RELL1: variants seen among roughly 807,000 people sequenced by gnomAD.
RELL1 encodes the protein RELT-like protein 1.
In RELL1, 10 loss-of-function variants were observed where a neutral mutation model predicts 23.0. The observed-to-expected ratio is 0.43, with a 90% CI of 0.27 to 0.74. The LOEUF (loss-of-function observed/expected upper bound fraction) is 0.74, where lower values mean the gene tolerates loss of function less well. RELL1 is among the 30% of genes least tolerant of loss of function. RELL1 has a pLI of 0.19. For synonymous variants in RELL1, 146 were observed against 146.8 expected (o/e 0.99, Z 0.04); for missense variants, 315 against 364.4 (o/e 0.86, Z 1.10).
At chr4:37,682,991 G>A (rs926976743) in intron 1 of RELL1, among the ~76,000 whole-genome samples, 1 of 152,096 alleles carries the variant, frequency 6.6e-6, no homozygotes, top group Non-Finnish European at 1.5e-5. Flanking sequence ...ATCCCTTTGG[G>A]TGCTTGTGGT....
intron 6 of RELL1, among the ~76,000 whole-genome samples, chr4:37,600,794 T>TGTGTGTGTGTGTGC (rs1386781915): frequency 6.6e-6 from 1 of 151,686 alleles, no homozygotes; most frequent in African/African-American, 2.4e-5. Context: ...TGTGTGTGTG[T>TGTGTGTGTGTGTGC]GTGTGTGTGT....
chr4:37,604,900 G>GACACACACACAC (rs1483293891), intron 6 of RELL1, among the ~76,000 whole-genome samples: 1 of 65,616 alleles, frequency 1.5e-5, no homozygotes. Flanking sequence ...CACACACACA[G>GACACACACACAC]ACACACACAC....
chr4:37,666,168 A>C (rs970473779), intron 1 of RELL1, among the ~76,000 whole-genome samples: 4 of 152,170 alleles, frequency 2.6e-5, no homozygotes, highest in African/African-American at 9.7e-5. Context: ...TACAACTCTG[A>C]GATAGGTGTT....
downstream of RELL1, among the ~76,000 whole-genome samples, chr4:37,606,032 GAGAAAGAA>G (rs138195955): frequency 7.0e-6 from 1 of 143,470 alleles, no homozygotes; most frequent in Non-Finnish European, 1.5e-5. The surrounding 1 kb of genome is among the most constrained non-coding windows in gnomAD (Gnocchi z 4.1). Context: ...GAGAAGGAAG[GAGAAAGAA>G]AGAAAAAGAA....
In RELL1 at chr4:37,686,329, C is replaced by T; in HGVS notation, c.-42G>A. 1.4e-6 allele frequency: 2 copies of T among 1,439,268 alleles called. No homozygotes were observed. Among genetic ancestry groups the T allele is most frequent in the African/African-American group, 1.5e-5 (1 of 67,556 alleles). The allele number at this position is 1,439,268 out of a possible 1,614,324, so 89.2% of individuals were successfully genotyped here. On this transcript the variant is annotated 5_prime_UTR_variant, in exon 1 of 7. Transcript: ENST00000454158. ...CCTCCTCCCCCAGGGCGCCGCGTCC[C>T]GCGCTCGGGAAGGCAGAGCCGCTCC...
chr4:37,588,744 C>T (rs1718440556), downstream of RELL1: 1 of 824,804 alleles, frequency 1.2e-6, no homozygotes, highest in Non-Finnish European at 2.0e-6. Flanking sequence ...ATGTGTGACT[C>T]TCTTAATACA....
chr4:37,604,922 C>CACAA (rs1412529365), intron 6 of RELL1, among the ~76,000 whole-genome samples: 15 of 71,156 alleles, frequency 2.1e-4, no homozygotes, highest in Non-Finnish European at 4.5e-4. Context: ...CACACACAGA[C>CACAA]ACACACACAC....
chr4:37,636,219 G>C (rs1196473074), intron 4 of RELL1, among the ~76,000 whole-genome samples: 1 of 152,146 alleles, frequency 6.6e-6, no homozygotes, highest in African/African-American at 2.4e-5. Context: ...TAATCACCTT[G>C]CTATACAGTA....
chr4:37,602,943 T>C (rs76227110), intron 6 of RELL1, among the ~76,000 whole-genome samples: 63 of 152,240 alleles, frequency 4.1e-4, no homozygotes, highest in African/African-American at 1.4e-3. Context: ...GGTGAGAAAA[T>C]GGAGCGTCCG....
intron 6 of RELL1, among the ~76,000 whole-genome samples, chr4:37,626,338 T>C (rs2109251272): frequency 6.6e-6 from 1 of 152,048 alleles, no homozygotes; most frequent in East Asian, 1.9e-4. Flanking sequence ...GTTAGCCAGG[T>C]GTGGTGGCTT....
chr4:37,658,407 C>T (rs564785224), intron 1 of RELL1, among the ~76,000 whole-genome samples: 1 of 152,338 alleles, frequency 6.6e-6, no homozygotes, highest in South Asian at 2.1e-4. Flanking sequence ...ATACTAACAA[C>T]AGCCACCACC....
At chr4:37,623,915 A>G (rs1719852964) in intron 6 of RELL1, among the ~76,000 whole-genome samples, 1 of 152,192 alleles carries the variant, frequency 6.6e-6, no homozygotes, top group Admixed American at 6.5e-5. Context: ...TCCTGAAAAA[A>G]TTACAGCTAG....
intron 1 of RELL1, among the ~76,000 whole-genome samples, chr4:37,676,582 T>C (rs1364571845): frequency 6.6e-6 from 1 of 152,184 alleles, no homozygotes; most frequent in Non-Finnish European, 1.5e-5. Context: ...TGTTTGTTAT[T>C]ATCATTCTTG....
intron 1 of RELL1, among the ~76,000 whole-genome samples, chr4:37,679,007 T>C (rs1342561121): frequency 1.3e-5 from 2 of 152,028 alleles, no homozygotes; most frequent in African/African-American, 4.8e-5. Flanking sequence ...TGCTATCAAG[T>C]AAAGAGAAGA....
chr4:37,589,757 G>A (rs1444343878), downstream of RELL1, among the ~76,000 whole-genome samples: 5 of 152,026 alleles, frequency 3.3e-5, no homozygotes, highest in East Asian at 1.9e-4. Flanking sequence ...TCAGCCTCCC[G>A]AGTAGCTGGG....
chr4:37,614,126 GA>G (rs1324468355), intron 6 of RELL1, among the ~76,000 whole-genome samples: 1 of 152,208 alleles, frequency 6.6e-6, no homozygotes. Context: ...GCAGAAATAT[GA>G]AGAAATAGCA....
chr4:37,685,464 CTT>C (rs1174878934), intron 1 of RELL1, among the ~76,000 whole-genome samples: 3 of 152,174 alleles, frequency 2.0e-5, no homozygotes, highest in African/African-American at 7.2e-5. Context: ...TACACCTCCT[CTT>C]AAGATTGATT....
intron 6 of RELL1, among the ~76,000 whole-genome samples, chr4:37,595,979 G>T (rs1718828051): frequency 6.6e-6 from 1 of 152,150 alleles, no homozygotes; most frequent in South Asian, 2.1e-4. Flanking sequence ...CGTTCTCTTG[G>T]CTCCTAGTGA....
chr4:37,659,487 C>T (rs1473002810), intron 1 of RELL1, among the ~76,000 whole-genome samples: 3 of 152,120 alleles, frequency 2.0e-5, no homozygotes, highest in Non-Finnish European at 4.4e-5. Context: ...TTTCTCACAC[C>T]CAGTGGGCAT....
Sources: allele counts gnomAD v4.1 joint callset (sites outside exome capture counted in the v4.1 genomes callset), GRCh38; gene constraint gnomAD v4.1.1; non-coding constraint Gnocchi (gnomAD v3.1); transcripts MANE v1.5; gene names NCBI Gene and HGNC (gene_info 2026-07-23, HGNC 2026-07-21).